Variants in LGR6 observed in about 807,000 individuals in gnomAD.
LGR6 encodes the protein leucine-rich repeat-containing G protein-coupled receptor 6.
Under a neutral mutation model 69.4 loss-of-function variants are expected in LGR6, and 45 were observed. The observed-to-expected ratio is 0.65, with a 90% confidence interval of 0.51 to 0.83. LGR6 has a LOEUF of 0.83. Ranked by LOEUF, LGR6 falls within the 40% of genes least tolerant of loss-of-function variation. The probability of loss-of-function intolerance (pLI) is 0.00; values close to 1 mark genes in which losing one functional copy is unlikely to be tolerated. For synonymous variants in LGR6, 538 were observed against 555.0 expected, an observed-to-expected ratio of 0.97 and a Z score of 0.43; for missense variants, 1,108 against 1,246.7, an observed-to-expected ratio of 0.89 and a Z score of 1.68.
chr1:202,285,659 G>A (rs762348386), intron 6 of LGR6, among the ~76,000 whole-genome samples: 32 of 152,256 alleles, frequency 2.1e-4, no homozygotes, highest in South Asian at 4.1e-4. Context: ...TAAGGTGGCC[G>A]GGAGGATGTT....
chr1:202,195,472 A>AG (rs986353847), intron 1 of LGR6, among the ~76,000 whole-genome samples: 1 of 152,210 alleles, frequency 6.6e-6, no homozygotes, highest in African/African-American at 2.4e-5. Context: ...GGGCCAGGTA[A>AG]GGGAGTGGGA....
intron 1 of LGR6, among the ~76,000 whole-genome samples, chr1:202,208,950 G>A (rs1335971404): frequency 6.6e-6 from 1 of 152,098 alleles, no homozygotes; most frequent in African/African-American, 2.4e-5. Flanking sequence ...TGGAAGCTCA[G>A]AAACTTGGCC....
chr1:202,288,880 G>A (rs1666591133), intron 6 of LGR6, among the ~76,000 whole-genome samples: 1 of 152,196 alleles, frequency 6.6e-6, no homozygotes, highest in East Asian at 1.9e-4. Context: ...CTGTGGTCAG[G>A]AACACCTCAG....
intron 17 of LGR6, among the ~76,000 whole-genome samples, chr1:202,315,629 T>C (rs1654085460): frequency 6.6e-6 from 1 of 152,244 alleles, no homozygotes; most frequent in Admixed American, 6.5e-5. Flanking sequence ...ATGAACAGTT[T>C]GCTTCTTCTA....
chr1:202,206,928 T>G (rs975941094), intron 1 of LGR6, among the ~76,000 whole-genome samples: 5 of 111,600 alleles, frequency 4.5e-5, no homozygotes, highest in African/African-American at 1.6e-4. Flanking sequence ...TTTATTTATT[T>G]ATTTATTGAG....
At chr1:202,315,363 AG>A (rs1654063700) in intron 17 of LGR6, among the ~76,000 whole-genome samples, 1 of 152,214 alleles carries the variant, frequency 6.6e-6, no homozygotes, top group African/African-American at 2.4e-5. Flanking sequence ...AAAACTCCAT[AG>A]TATCCCTGGG....
intron 9 of LGR6, 72 bp downstream of exon 9, chr1:202,301,307 C>T: frequency 1.5e-6 from 2 of 1,303,174 alleles, no homozygotes; most frequent in Non-Finnish European, 2.2e-6. Flanking sequence ...TCTCTCCTGC[C>T]TATCGCCTGC....
chr1:202,218,547 A>T (rs1211813150), intron 1 of LGR6, among the ~76,000 whole-genome samples: 1 of 152,088 alleles, frequency 6.6e-6, no homozygotes, highest in African/African-American at 2.4e-5. Context: ...TAATAGGGAG[A>T]TGCTCCAAAC....
In LGR6 at chr1:202,250,893, G is replaced by T. The variant is rs183403400; in HGVS notation, c.428+14900G>T. Among the ~76,000 whole-genome samples the T allele has an allele frequency of 3.8e-4, 58 of 152,276 alleles. No individual in the cohort carries two copies. In the Middle Eastern group the frequency reaches 0.014, roughly 36 times the overall value. On this transcript the variant is annotated intron_variant, in intron 4 of 17. Transcript: ENST00000367278. ...GGAGCTTGAATTTAAACTCAAGTATGTCTGATTCCTGAGTCCATGCTTTTT... is the reference window on the plus strand; with the variant it reads ...GGAGCTTGAATTTAAACTCAAGTATTTCTGATTCCTGAGTCCATGCTTTTT...
At chr1:202,240,279 C>T (rs1444695331) in intron 4 of LGR6, among the ~76,000 whole-genome samples, 2 of 150,644 alleles carry the variant, frequency 1.3e-5, no homozygotes, top group Non-Finnish European at 3.0e-5. Context: ...GAGGCTGAGG[C>T]ACGAAAATTG....
chr1:202,194,711 G>GGGGC, intron 1 of LGR6: 2 of 264,970 alleles, frequency 7.5e-6, no homozygotes, highest in South Asian at 2.9e-5. Flanking sequence ...GGGGCGGGGG[G>GGGGC]GGCGGGTTTC....
chr1:202,240,697 T>C (rs1662116405), intron 4 of LGR6, among the ~76,000 whole-genome samples: 2 of 152,200 alleles, frequency 1.3e-5, no homozygotes, highest in Non-Finnish European at 2.9e-5. Context: ...AGCAAGGTGC[T>C]ACTCTATCTT....
Position 202,318,294 on chromosome 1 carries a change from C to T in LGR6, c.1991C>T (p.Ala664Val), listed in dbSNP as rs1186765374. ...TCGGTGCTGCTGCTCACTCTGGCCG[C>T]AGTGCAGTGCAGCGTCTCCGTCTCC... ...EASVLLLTLA[A>V]VQCSVSVSCV... Residue 664 changes from alanine (A) to valine (V), a missense_variant, in exon 18 of 18, where the codon GCA (alanine) becomes GTA (valine). By Grantham distance (64) the Ala-to-Val change is moderately conservative. Coordinates refer to ENST00000367278, the MANE Select transcript of LGR6 (RefSeq NM_001017403.2). 13 of 1,596,544 alleles carry T rather than the reference C, an allele frequency of 8.1e-6. No individual in the cohort carries two copies. The highest frequency in any genetic ancestry group is 1.3e-5 in the African/African-American group (1 of 74,706).
rs532371376 is a variant in LGR6, at chr1:202,287,898, A to G, written c.716+7046A>G. Among the ~76,000 whole-genome samples the G allele has an allele frequency of 5.3e-5, 8 of 152,220 alleles. No homozygotes were observed. The East Asian group carries it at 1.4e-3, about 26-fold the overall frequency. ...ACTCTGCTTTCATTCTTGTCATCCT[A>G]CAATCTGTTTTCAACACAACAACCA... On this transcript the variant is annotated intron_variant, in intron 6 of 17. Transcript: ENST00000367278.
intron 1 of LGR6, among the ~76,000 whole-genome samples, chr1:202,206,925 ATTT>A: frequency 7.9e-6 from 1 of 126,888 alleles, no homozygotes; most frequent in South Asian, 2.6e-4. Flanking sequence ...TTATTTATTT[ATTT>A]ATTTATTGAG....
chr1:202,248,468 A>G (rs1317306059), intron 4 of LGR6, among the ~76,000 whole-genome samples: 1 of 150,740 alleles, frequency 6.6e-6, no homozygotes, highest in African/African-American at 2.4e-5. Context: ...CTCTCGCCAA[A>G]GTCGCTTCCC....
intron 1 of LGR6, among the ~76,000 whole-genome samples, chr1:202,224,039 T>A (rs1410273663): frequency 6.6e-6 from 1 of 151,998 alleles, no homozygotes; most frequent in African/African-American, 2.4e-5. Flanking sequence ...TTTTTATAGA[T>A]GAGGTCAACT....
intron 1 of LGR6, among the ~76,000 whole-genome samples, chr1:202,205,363 C>T (rs1659136655): frequency 1.1e-4 from 1 of 9,518 alleles, no homozygotes; most frequent in Non-Finnish European, 2.4e-4. Flanking sequence ...CACACACACA[C>T]CTCCAAACAC....
chr1:202,215,970 A>T (rs998467123), intron 1 of LGR6, among the ~76,000 whole-genome samples: 2 of 152,246 alleles, frequency 1.3e-5, no homozygotes, highest in East Asian at 3.8e-4. Flanking sequence ...CTTAAGTCCC[A>T]GTCCCAGCAC....
Sources: allele counts gnomAD v4.1 joint callset (sites outside exome capture counted in the v4.1 genomes callset), GRCh38; gene constraint gnomAD v4.1.1; transcripts MANE v1.5; gene names NCBI Gene and HGNC (gene_info 2026-07-23, HGNC 2026-07-21).